The following XXYLT1 variants were observed in gnomAD, a reference collection of about 807,000 sequenced individuals.
XXYLT1 encodes the protein xyloside xylosyltransferase 1, also known as UDP-xylose:alpha-xyloside alpha-1,3-xylosyltransferase.
Under a neutral mutation model 28.9 loss-of-function variants are expected in XXYLT1, and 20 were observed. The observed-to-expected ratio is 0.69, with a 90% CI of 0.49 to 1.00. XXYLT1 has a LOEUF of 1.00. XXYLT1 is among the 50% of genes least tolerant of loss of function. The probability of loss-of-function intolerance (pLI) is 0.00; values close to 1 mark genes in which losing one functional copy is unlikely to be tolerated. For synonymous variants in XXYLT1, 257 were observed against 253.8 expected, an observed-to-expected ratio of 1.01 and a Z score of -0.12; for missense variants, 542 against 560.1, an observed-to-expected ratio of 0.97 and a Z score of 0.33.
chr3:195,197,194 T>C (rs941853173), intron 2 of XXYLT1, among the ~76,000 whole-genome samples: 3 of 152,192 alleles, frequency 2.0e-5, no homozygotes, highest in Non-Finnish European at 4.4e-5. Context: ...CCCAGCACTT[T>C]GGGAGGCCAA....
chr3:195,266,672 A>G (rs1725859424), intron 1 of XXYLT1, among the ~76,000 whole-genome samples: 1 of 152,154 alleles, frequency 6.6e-6, no homozygotes, highest in African/African-American at 2.4e-5. Flanking sequence ...CCCAGAGGAC[A>G]GGATGCCTGA....
intron 3 of XXYLT1, among the ~76,000 whole-genome samples, chr3:195,084,704 C>T (rs547112854): frequency 6.6e-6 from 1 of 152,284 alleles, no homozygotes; most frequent in South Asian, 2.1e-4. Context: ...GGCAAAACTC[C>T]CACCACTACA....
chr3:195,268,934 C>T (rs1725930806), intron 1 of XXYLT1, among the ~76,000 whole-genome samples: 1 of 152,194 alleles, frequency 6.6e-6, no homozygotes. Context: ...AGACATGATA[C>T]AGTCACAGCA....
At chr3:195,119,240 C>T (rs745613056) in intron 3 of XXYLT1, among the ~76,000 whole-genome samples, 6 of 147,636 alleles carry the variant, frequency 4.1e-5, no homozygotes, top group African/African-American at 7.5e-5. Context: ...GCCGAGATTG[C>T]GCCATTGCAC....
chr3:195,134,852 TGTGTGTGTGTGTGTGTGC>T (rs1329776051), intron 3 of XXYLT1, among the ~76,000 whole-genome samples: 16 of 128,206 alleles, frequency 1.2e-4, no homozygotes, highest in African/African-American at 5.0e-4. Context: ...TGTGTGTGTG[TGTGTGTGTGTGTGTGTGC>T]GTGTGCGCGC....
chr3:195,072,204 G>A (rs1468165487), intron 3 of XXYLT1, among the ~76,000 whole-genome samples: 4 of 151,912 alleles, frequency 2.6e-5, no homozygotes, highest in Non-Finnish European at 5.9e-5. Flanking sequence ...GGTGGAAGCA[G>A]GGGGCAGGAC....
chr3:195,228,298 T>C (rs1418992919), intron 1 of XXYLT1, among the ~76,000 whole-genome samples: 1 of 150,724 alleles, frequency 6.6e-6, no homozygotes, highest in African/African-American at 2.5e-5. Context: ...TGGCAAGTGG[T>C]GCCCTTGAAG....
At chr3:195,167,274 G>C (rs1478968331) in intron 2 of XXYLT1, among the ~76,000 whole-genome samples, 1 of 152,188 alleles carries the variant, frequency 6.6e-6, no homozygotes, top group Non-Finnish European at 1.5e-5. Context: ...AGCCTCCATT[G>C]ATGATTCTTG....
At chr3:195,212,402 C>T (rs992851816) in intron 2 of XXYLT1, among the ~76,000 whole-genome samples, 1 of 152,188 alleles carries the variant, frequency 6.6e-6, no homozygotes, top group Non-Finnish European at 1.5e-5. Flanking sequence ...CCTGGTGTGG[C>T]CTTTTGGGGA....
chr3:195,165,977 A>T (rs1290711089), intron 2 of XXYLT1, among the ~76,000 whole-genome samples: 1 of 151,952 alleles, frequency 6.6e-6, no homozygotes, highest in Non-Finnish European at 1.5e-5. Flanking sequence ...CATTGCTTTC[A>T]TCTCTGTTTA....
At position 195,236,179 on chromosome 3, in the gene XXYLT1, G is replaced by A. The variant is rs371910691; in HGVS notation, c.505-9323C>T. On this transcript the variant is annotated intron_variant, in intron 1 of 3. Transcript: ENST00000310380. ...TGCCAGGCTTGTGTCCTTCCCTTAA[G>A]GGCAGTGAGTTCTCTTGGGCCCCAG... 9.3e-4 allele frequency among the ~76,000 whole-genome samples: 142 copies of A among 152,304 alleles called. 1 individual carries two copies. Among genetic ancestry groups the A allele is most frequent in the African/African-American group, 3.1e-3 (128 of 41,562 alleles).
Position 195,193,555 on chromosome 3 carries a change from T to C in XXYLT1, c.652+33154A>G, listed in dbSNP as rs951243793. 7.2e-5 allele frequency among the ~76,000 whole-genome samples: 11 copies of C among 152,230 alleles called. No homozygotes were observed. In the East Asian group the frequency reaches 1.7e-3, roughly 24 times the overall value. On this transcript the variant is annotated intron_variant, in intron 2 of 3. Transcript: ENST00000310380. ...TGATGAATTGATCCTAAAATGTATA[T>C]GGAAATGCAAAAACTTAAAAAAGCC...
At chr3:195,097,577 G>C (rs1716520025) in intron 3 of XXYLT1, among the ~76,000 whole-genome samples, 1 of 152,174 alleles carries the variant, frequency 6.6e-6, no homozygotes, top group East Asian at 1.9e-4. Flanking sequence ...CAAGGGTTAA[G>C]GAATTGAGTC....
intron 2 of XXYLT1, among the ~76,000 whole-genome samples, chr3:195,182,916 TAGA>T (rs1236333863): frequency 1.3e-5 from 2 of 152,210 alleles, no homozygotes; most frequent in Admixed American, 6.5e-5. Flanking sequence ...GTACCAACAA[TAGA>T]AGAATTCCTA....
At chr3:195,110,200 T>TAA (rs1717463752) in intron 3 of XXYLT1, among the ~76,000 whole-genome samples, 2 of 13,944 alleles carry the variant, frequency 1.4e-4, no homozygotes, top group Admixed American at 9.3e-4. Flanking sequence ...GTGAGGTGTA[T>TAA]GTGTGGTGTG....
intron 1 of XXYLT1, among the ~76,000 whole-genome samples, chr3:195,237,237 T>C (rs1192554615): frequency 1.3e-5 from 2 of 152,206 alleles, no homozygotes; most frequent in African/African-American, 4.8e-5. Flanking sequence ...CAAGGCTTGC[T>C]GGAACTCAAG....
In XXYLT1 at chr3:195,270,702, G is replaced by A. The variant is rs747324359; in HGVS notation, c.357C>T (p.Arg119=). The change falls in exon 1 of 4, where the codon CGC becomes CGT. Residue 119 remains arginine (R), a synonymous_variant. Coordinates refer to ENST00000310380, the MANE Select transcript of XXYLT1 (RefSeq NM_152531.5). ...GGCGCAGCAGTGAGCGCAGCGCGACGCGGGCCTTGGCCTGCAGCGCGGCAT... is the reference window on the plus strand; with the variant it reads ...GGCGCAGCAGTGAGCGCAGCGCGACACGGGCCTTGGCCTGCAGCGCGGCAT... ...EHNAALQAKA[R]VALRSLLRLA... 1.3e-6 allele frequency: 2 copies of A among 1,590,162 alleles called. No individual in the cohort carries two copies. Among genetic ancestry groups the A allele is most frequent in the Non-Finnish European group, 8.5e-7 (1 of 1,172,880 alleles).
chr3:195,139,579 T>C (rs73062364), intron 3 of XXYLT1, among the ~76,000 whole-genome samples: 6,860 of 152,046 alleles, frequency 0.045, 529 homozygotes, highest in African/African-American at 0.15. Flanking sequence ...GAGGGTGGGG[T>C]CTGTGGCTTG....
intron 1 of XXYLT1, among the ~76,000 whole-genome samples, chr3:195,227,341 C>T (rs1345199104): frequency 6.6e-6 from 1 of 152,178 alleles, no homozygotes; most frequent in Non-Finnish European, 1.5e-5. Flanking sequence ...CCAGCTCTAC[C>T]TCCCTCATCC....
Sources: allele counts gnomAD v4.1 joint callset (sites outside exome capture counted in the v4.1 genomes callset), GRCh38; gene constraint gnomAD v4.1.1; transcripts MANE v1.5; gene names NCBI Gene and HGNC (gene_info 2026-07-23, HGNC 2026-07-21).